The following UBA6 variants were observed in gnomAD, a reference collection of about 807,000 sequenced individuals.
UBA6 encodes ubiquitin like modifier activating enzyme 6, also known as ubiquitin-like modifier-activating enzyme 6.
In UBA6, 87 loss-of-function variants were observed where a neutral mutation model predicts 148.3. That is an observed-to-expected ratio of 0.59 (90% CI 0.49 to 0.70). The LOEUF (loss-of-function observed/expected upper bound fraction) is 0.70. Among genes scored for constraint, UBA6 ranks in the 30% least tolerant of loss-of-function variants. UBA6 has a pLI of 0.00. For missense variants in UBA6, 1,186 were observed against 1,241.2 expected (o/e 0.96, Z 0.67); for synonymous variants, 376 against 401.0 (o/e 0.94, Z 0.75).
At chr4:67,698,895 G>A (rs758880474) in intron 1 of UBA6, among the ~76,000 whole-genome samples, 2 of 152,040 alleles carry the variant, frequency 1.3e-5, no homozygotes, top group African/African-American at 2.4e-5. Flanking sequence ...GGGAGGAGGA[G>A]GCTGCAGTGA....
intron 5 of UBA6, among the ~76,000 whole-genome samples, chr4:67,678,173 G>C (rs553644142): frequency 4.7e-5 from 6 of 126,672 alleles, no homozygotes; most frequent in Non-Finnish European, 6.9e-5. Flanking sequence ...AAATAATTAA[G>C]TATATATCAA....
rs1728562885 is a variant in UBA6, at chr4:67,612,757, T to C, written c.*6240A>G. 1 of 152,202 alleles carries C rather than the reference T, an allele frequency of 6.6e-6. No homozygotes were observed. Among genetic ancestry groups the C allele is most frequent in the Non-Finnish European group, 1.5e-5 (1 of 68,048 alleles). The allele number at this position is 152,202 out of a possible 1,614,324, so 9.4% of individuals were successfully genotyped here. On this transcript the variant is annotated 3_prime_UTR_variant, in exon 33 of 33. Coordinates refer to ENST00000322244, the MANE Select transcript of UBA6 (RefSeq NM_018227.6). ...ACAGGAAATAATGTGGGCTAAGTAA[T>C]TTGGATTAACATTCTCACTTGAAAA...
intron 13 of UBA6, among the ~76,000 whole-genome samples, chr4:67,652,247 C>T (rs1476921314): frequency 2.0e-5 from 3 of 151,982 alleles, no homozygotes; most frequent in Admixed American, 6.6e-5. Flanking sequence ...CCCTCTCAAC[C>T]AATAATTAAA....
intron 2 of UBA6, among the ~76,000 whole-genome samples, chr4:67,683,185 T>C (rs994254773): frequency 4.6e-5 from 7 of 152,176 alleles, no homozygotes. Flanking sequence ...CATCAAATAT[T>C]TATTGAAAAT....
At chr4:67,665,726 A>C (rs1402416844) in intron 9 of UBA6, among the ~76,000 whole-genome samples, 1 of 151,700 alleles carries the variant, frequency 6.6e-6, no homozygotes, top group African/African-American at 2.4e-5. Context: ...TGGCACCTCA[A>C]TCAGTAATGA....
At chr4:67,670,686 T>TA in intron 7 of UBA6, 94 bp from the exon 8 acceptor site, 1 of 925,290 alleles carries the variant, frequency 1.1e-6, no homozygotes, top group Admixed American at 2.2e-5. Flanking sequence ...AATTTATAAT[T>TA]AAGTATACCT....
chr4:67,641,557 C>G (rs930255510), intron 17 of UBA6, among the ~76,000 whole-genome samples: 2 of 152,238 alleles, frequency 1.3e-5, no homozygotes, highest in South Asian at 2.1e-4. Flanking sequence ...GCTAGCTCTT[C>G]TTTCTAAACT....
intron 6 of UBA6, among the ~76,000 whole-genome samples, chr4:67,676,946 C>G (rs1348589531): frequency 6.6e-6 from 1 of 151,206 alleles, no homozygotes; most frequent in Non-Finnish European, 1.5e-5. Flanking sequence ...TTACAATATC[C>G]AAGGTCCTGG....
intron 2 of UBA6, among the ~76,000 whole-genome samples, chr4:67,693,729 GAGAGA>G (rs1350303772): frequency 1.3e-5 from 2 of 152,114 alleles, no homozygotes; most frequent in African/African-American, 4.8e-5. Flanking sequence ...AAAGAGAACG[GAGAGA>G]AAAGAGAACT....
Position 67,665,287 on chromosome 4 carries a change from A to T in UBA6, c.799T>A (p.Ser267Thr). The T allele has an allele frequency of 6.3e-7, 1 of 1,592,136 alleles. No individual in the cohort carries two copies. The highest frequency in any genetic ancestry group is 8.5e-7 in the Non-Finnish European group (1 of 1,171,768). Reference sequence around the variant, plus strand: ...TCACCAATACTAAAAGAAAATGGCGATATCACTAGAAGACAAAAAATTTAA... The same window carrying T: ...TCACCAATACTAAAAGAAAATGGCGTTATCACTAGAAGACAAAAAATTTAA... ...NGSIQQITVI[S>T]PFSFSIGDTT... Residue 267 changes from serine to threonine, a missense_variant, in exon 10 of 33, where the codon TCG becomes ACG. Physicochemically the swap from Ser to Thr is moderately conservative, Grantham distance 58. Transcript: ENST00000322244.
intron 9 of UBA6, among the ~76,000 whole-genome samples, chr4:67,667,993 C>A (rs777860079): frequency 3.3e-5 from 5 of 152,172 alleles, no homozygotes; most frequent in Non-Finnish European, 5.9e-5. Context: ...TACTTCATTG[C>A]CACCTCATTT....
chr4:67,671,303 T>C lies in UBA6; in HGVS notation c.547-711A>G, dbSNP rs935739154. On this transcript the variant is annotated intron_variant, in intron 7 of 32. Coordinates refer to ENST00000322244, the MANE Select transcript of UBA6 (RefSeq NM_018227.6). Reference sequence around the variant, plus strand: ...ATAATGTTTTTCTAACATAATTAAGTATATTGATATTACGGTATAAGAACA... The same window carrying C: ...ATAATGTTTTTCTAACATAATTAAGCATATTGATATTACGGTATAAGAACA... Among the ~76,000 whole-genome samples the C allele has an allele frequency of 6.6e-5, 10 of 152,168 alleles. No homozygotes were observed. In the East Asian group the frequency reaches 1.5e-3, roughly 23 times the overall value.
At chr4:67,691,327 T>C (rs921306100) in intron 2 of UBA6, among the ~76,000 whole-genome samples, 2 of 152,186 alleles carry the variant, frequency 1.3e-5, no homozygotes, top group Non-Finnish European at 2.9e-5. Context: ...GATGTCGCCA[T>C]TTGCAGTTAA....
intron 7 of UBA6, among the ~76,000 whole-genome samples, chr4:67,671,439 CT>C (rs34086872): frequency 1.8e-3 from 258 of 144,952 alleles, no homozygotes; most frequent in South Asian, 2.4e-3. Flanking sequence ...ATACATATAG[CT>C]TTTTTTTTTT....
chr4:67,671,439 C>CT (rs34086872), intron 7 of UBA6, among the ~76,000 whole-genome samples: 25,930 of 145,236 alleles, frequency 0.18, 2,253 homozygotes, highest in Middle Eastern at 0.24. Flanking sequence ...ATACATATAG[C>CT]TTTTTTTTTT....
Position 67,694,076 on chromosome 4 carries a change from T to A in UBA6, c.134+2569A>T, listed in dbSNP as rs141510416. On this transcript the variant is annotated intron_variant, in intron 2 of 32. Transcript: ENST00000322244. ...AAAAAAAATACAAAAATTAGCTGGG[T>A]GTGGTGGTGCATGCCTGTAGTCCCA... Among the ~76,000 whole-genome samples, 753 of 150,666 alleles carry A rather than the reference T, an allele frequency of 5.0e-3. 9 individuals are homozygous for A. Among genetic ancestry groups the A allele is most frequent in the African/African-American group, 0.017 (708 of 41,080 alleles).
In UBA6 at chr4:67,616,354, C is replaced by A; in HGVS notation, c.*2643G>T. 1 of 362,998 alleles carries A rather than the reference C, an allele frequency of 2.8e-6. No individual in the cohort carries two copies. Among genetic ancestry groups the A allele is most frequent in the Non-Finnish European group, 4.9e-6 (1 of 204,074 alleles). The allele number at this position is 362,998 out of a possible 1,614,324, so 22.5% of individuals were successfully genotyped here. A position where few individuals can be genotyped will look rare whatever the true frequency, so the allele number is the denominator to read the frequency against. The stretch of plus-strand genomic sequence containing the variant: ...TTTCAAAAGAACAATTTTCTATCTT[C>A]ATTTTACTAATTATAAAATAAACAT... On this transcript the variant is annotated 3_prime_UTR_variant, in exon 33 of 33. Coordinates refer to ENST00000322244, the MANE Select transcript of UBA6 (RefSeq NM_018227.6).
chr4:67,661,482 C>T (rs554581973), intron 13 of UBA6, among the ~76,000 whole-genome samples: 16 of 152,252 alleles, frequency 1.1e-4, no homozygotes, highest in African/African-American at 3.9e-4. Flanking sequence ...TCCTTTGTCT[C>T]CTGCCATGAT....
rs546442640 is a variant in UBA6, at chr4:67,686,952, T to TAA, written c.135-4741_135-4740dup. On this transcript the variant is annotated intron_variant, in intron 2 of 32. Coordinates refer to ENST00000322244, the MANE Select transcript of UBA6 (RefSeq NM_018227.6). Reference sequence around the variant, plus strand: ...CTGGGCAACAGCAAGATCCTGTCTCTAAAAAAAAAAAAAAAAAAAAAAAAA... The same window carrying TAA: ...CTGGGCAACAGCAAGATCCTGTCTCTAAAAAAAAAAAAAAAAAAAAAAAAAAA... 7.9e-3 allele frequency among the ~76,000 whole-genome samples: 450 copies of TAA among 57,136 alleles called. 11 individuals carry two copies. Among genetic ancestry groups the TAA allele is most frequent in the Non-Finnish European group, 9.7e-3 (318 of 32,940 alleles). 37.5% of individuals were successfully genotyped at this position (57,136 alleles called of 152,430 possible). A position where few individuals can be genotyped will look rare whatever the true frequency, so the allele number is the denominator to read the frequency against.
Sources: gnomAD v4.1 joint callset for allele counts (sites outside exome capture counted in the v4.1 genomes callset) on GRCh38, gnomAD v4.1.1 for gene constraint, MANE v1.5 for transcripts, NCBI Gene and HGNC (gene_info 2026-07-23, HGNC 2026-07-21) for gene names.